Variants in BMP1 observed in about 807,000 individuals in gnomAD.
BMP1 encodes mammalian tolloid protein.
In BMP1, 63 loss-of-function variants were observed where a neutral mutation model predicts 116.8. That is an observed-to-expected ratio of 0.54 (90% CI 0.44 to 0.67). BMP1 has a LOEUF of 0.67. Among genes scored for constraint, BMP1 ranks in the 30% least tolerant of loss-of-function variants. The pLI is 0.00. For missense variants in BMP1, 1,183 were observed against 1,358.9 expected (o/e 0.87, Z 2.04); for synonymous variants, 536 against 533.4 (o/e 1.00, Z -0.07).
chr8:22,197,337 C>T lies in BMP1; in HGVS notation c.2024C>T (p.Thr675Ile). Residue 675 changes from threonine to isoleucine, a missense_variant, in exon 15 of 20, where the codon ACC (threonine) becomes ATC (isoleucine). Thr to Ile is a moderately conservative substitution (Grantham distance 89). Around this residue, in one of 4 missense-constraint regions of BMP1, gnomAD observed 956 missense variants for 1,135.2 expected, o/e 0.84. Coordinates refer to ENST00000306385, the MANE Select transcript of BMP1 (RefSeq NM_006129.5). ...GGTTCTGAGAAGCCCGAGGTCATCA[C>T]CTCCCAGTACAACAACATGCGCGTG... ...FCGSEKPEVITSQYNNMRVEF... is the reference protein window; with the variant it reads ...FCGSEKPEVIISQYNNMRVEF... 1.9e-6 allele frequency: 3 copies of T among 1,614,030 alleles called. No homozygotes were observed. The highest frequency in any genetic ancestry group is 2.5e-6 in the Non-Finnish European group (3 of 1,179,912).
chr8:22,175,171 C>T (rs971594662), intron 2 of BMP1, among the ~76,000 whole-genome samples: 9 of 152,208 alleles, frequency 5.9e-5, no homozygotes. Context: ...TGCTAACCCA[C>T]CAGGTGACTT....
chr8:22,202,825 A>G (rs781369001), intron 16 of BMP1, among the ~76,000 whole-genome samples: 1 of 152,114 alleles, frequency 6.6e-6, no homozygotes, highest in Non-Finnish European at 1.5e-5. Context: ...CCTGGGCAAC[A>G]TGGCGAAACC....
chr8:22,188,776 T>C (rs1469451770), intron 8 of BMP1, among the ~76,000 whole-genome samples: 7 of 152,196 alleles, frequency 4.6e-5, no homozygotes, highest in Admixed American at 3.3e-4. Context: ...GTGGGCCCTC[T>C]GGGGTTCTGC....
intron 15 of BMP1, among the ~76,000 whole-genome samples, chr8:22,198,260 T>G (rs573426189): frequency 5.3e-5 from 8 of 152,246 alleles, no homozygotes; most frequent in African/African-American, 1.2e-4. Flanking sequence ...GGAACTCAGA[T>G]CCAATTAGCA....
chr8:22,175,263 A>C (rs958890501), intron 2 of BMP1, among the ~76,000 whole-genome samples: 1 of 152,232 alleles, frequency 6.6e-6, no homozygotes, highest in African/African-American at 2.4e-5. Context: ...TCCTATGTCA[A>C]ATGCAAACAT....
intron 15 of BMP1, chr8:22,199,422 C>T (rs1316971397): frequency 8.0e-7 from 1 of 1,252,044 alleles, no homozygotes; most frequent in East Asian, 5.0e-5. Flanking sequence ...CCCATGCCCA[C>T]CTCCTCCACC....
At chr8:22,165,612 G>T in intron 1 of BMP1, 59 bp downstream of exon 1, 1 of 1,508,358 alleles carries the variant, frequency 6.6e-7, no homozygotes, top group Non-Finnish European at 8.8e-7. Flanking sequence ...GCGGGTTCGG[G>T]CTTGGGGTTG....
chr8:22,198,865 T>A (rs571761195), intron 15 of BMP1: 50 of 1,018,756 alleles, frequency 4.9e-5, no homozygotes, highest in Non-Finnish European at 6.1e-5. Context: ...ACCCTCCCCA[T>A]GCCAGGCCAA....
At position 22,195,507 on chromosome 8, in the gene BMP1, G is replaced by A. The variant is rs554797619; in HGVS notation, c.1685G>A (p.Arg562Gln). 2.5e-5 allele frequency: 41 copies of A among 1,612,544 alleles called. No individual in the cohort carries two copies. Among genetic ancestry groups the A allele is most frequent in the Admixed American group, 6.7e-5 (4 of 59,666 alleles). Residue 562 changes from arginine to glutamine, a missense_variant, in exon 13 of 20, where the codon CGG becomes CAG. By Grantham distance (43) the Arg-to-Gln change is conservative. Transcript: ENST00000306385. The stretch of plus-strand genomic sequence containing the variant: ...CCCAACCGCGGGGGCTGTGAGCAGC[G>A]GTGCCTCAACACCCTGGGCAGCTAC... ...SRPNRGGCEQ[R>Q]CLNTLGSYKC...
Position 22,165,414 on chromosome 8 carries a change from C to T in BMP1, c.9C>T (p.Gly3=). 6.6e-6 allele frequency: 10 copies of T among 1,523,848 alleles called. No individual in the cohort carries two copies. Among genetic ancestry groups the T allele is most frequent in the South Asian group, 1.2e-5 (1 of 80,350 alleles). The allele number at this position is 1,523,848 out of a possible 1,614,324, so 94.4% of individuals were successfully genotyped here. Residue 3 remains glycine (G), a synonymous_variant, in exon 1 of 20, where the codon GGC becomes GGT. Transcript: ENST00000306385. MP[G]VARLPLLLGL... Reference sequence around the variant, plus strand: ...GCCGCCGCCCCGCCAGCATGCCCGGCGTGGCCCGCCTGCCGCTGCTGCTCG... The same window carrying T: ...GCCGCCGCCCCGCCAGCATGCCCGGTGTGGCCCGCCTGCCGCTGCTGCTCG...
In BMP1 at chr8:22,194,775, C is replaced by G. The variant is rs1055829815; in HGVS notation, c.1495C>G (p.His499Asp). 2.5e-6 allele frequency: 4 copies of G among 1,613,614 alleles called. No individual in the cohort carries two copies. Among genetic ancestry groups the G allele is most frequent in the Non-Finnish European group, 3.4e-6 (4 of 1,179,804 alleles). The change falls in exon 12 of 20, where the codon CAC (histidine) becomes GAC (aspartate). Residue 499 changes from histidine to aspartate, a missense_variant. Around this residue, in one of 4 missense-constraint regions of BMP1, gnomAD observed 956 missense variants for 1,135.2 expected, o/e 0.84. Transcript: ENST00000306385. This position sits in a 1 kb window ranked among gnomAD's most constrained non-coding sequence, Gnocchi z 4.5. The part of the protein sequence containing the change: ...AYDYLEVRDG[H>D]SESSTLIGRY... ...CGACTATCTGGAGGTGCGCGACGGGCACAGTGAGAGCAGCACCCTCATCGG... is the reference window on the plus strand; with the variant it reads ...CGACTATCTGGAGGTGCGCGACGGGGACAGTGAGAGCAGCACCCTCATCGG...
chr8:22,172,082 C>T lies in BMP1; in HGVS notation c.149-1520C>T, dbSNP rs1471944009. Among the ~76,000 whole-genome samples, 167 of 152,160 alleles carry T rather than the reference C, an allele frequency of 1.1e-3. 3 individuals are homozygous for T. Among genetic ancestry groups the T allele is most frequent in the Non-Finnish European group, 8.8e-5 (6 of 68,024 alleles). On this transcript the variant is annotated intron_variant, in intron 1 of 19. Coordinates refer to ENST00000306385, the MANE Select transcript of BMP1 (RefSeq NM_006129.5). ...GAAGTCAGTGTGTGTGTGTGTTCAC[C>T]AGTGAGGCCAACTGGGGAGGAGAAA...
intron 19 of BMP1, among the ~76,000 whole-genome samples, chr8:22,210,468 T>TCACA (rs1554488560): frequency 7.4e-6 from 1 of 135,500 alleles, no homozygotes; most frequent in African/African-American, 3.0e-5. Flanking sequence ...TCTCTCTCTC[T>TCACA]CACACACATA....
intron 8 of BMP1, among the ~76,000 whole-genome samples, chr8:22,185,566 C>A (rs1393165593): frequency 6.6e-6 from 1 of 152,142 alleles, no homozygotes; most frequent in Non-Finnish European, 1.5e-5. Context: ...CTGGCAATAT[C>A]CGCCCTCATT....
Position 22,185,732 on chromosome 8 carries a change from C to A in BMP1, c.1077+5249C>A, listed in dbSNP as rs1362963040. Among the ~76,000 whole-genome samples, 3 of 151,788 alleles carry A rather than the reference C, an allele frequency of 2.0e-5. No homozygotes were observed. The East Asian group carries it at 5.9e-4, about 30-fold the overall frequency. On this transcript the variant is annotated intron_variant, in intron 8 of 19. Transcript: ENST00000306385. The stretch of plus-strand genomic sequence containing the variant: ...TGCCCCCCGAGTTCAAGCAATTCTT[C>A]TGCCTCAGCCTCCCGAGTAGCTGGG...
At chr8:22,209,365 G>A (rs1366502071) in intron 18 of BMP1, 80 bp from the exon 19 acceptor site, 1 of 1,558,416 alleles carries the variant, frequency 6.4e-7, no homozygotes. Flanking sequence ...CCTGCCGTGA[G>A]GGCACGCCAT....
intron 8 of BMP1, among the ~76,000 whole-genome samples, chr8:22,185,330 T>C (rs1195350010): frequency 4.6e-5 from 7 of 151,916 alleles, no homozygotes; most frequent in Non-Finnish European, 7.4e-5. Context: ...TGCATGCCTG[T>C]AGTCCCAGCT....
At position 22,194,922 on chromosome 8, in the gene BMP1, G is replaced by T. The variant is rs997758855; in HGVS notation, c.1639+3G>T. On this transcript the variant is annotated splice_donor_region_variant and intron_variant, in intron 12 of 19. Coordinates refer to ENST00000306385, the MANE Select transcript of BMP1 (RefSeq NM_006129.5). The surrounding 1 kb of genome is among the most constrained non-coding windows in gnomAD (Gnocchi z 4.5). ...CTTTGCCGTCAACTTTTTCAAAGGT[G>T]CCTCCTCTGTTACTCTCCCCTGCCC... 13 of 1,603,954 alleles carry T rather than the reference G, an allele frequency of 8.1e-6. No individual in the cohort carries two copies. The highest frequency in any genetic ancestry group is 1.3e-5 in the African/African-American group (1 of 74,554).
intron 1 of BMP1, among the ~76,000 whole-genome samples, chr8:22,172,980 T>A (rs1416072141): frequency 6.6e-6 from 1 of 152,208 alleles, no homozygotes; most frequent in East Asian, 1.9e-4. Flanking sequence ...GACCACCACA[T>A]GCTCAGCACA....
Sources: allele counts gnomAD v4.1 joint callset (sites outside exome capture counted in the v4.1 genomes callset), GRCh38; gene constraint gnomAD v4.1.1; regional missense constraint gnomAD v4.1.1; non-coding constraint Gnocchi (gnomAD v3.1); transcripts MANE v1.5; gene names NCBI Gene and HGNC (gene_info 2026-07-23, HGNC 2026-07-21).